The following CLSTN2 variants were observed in gnomAD, a reference collection of about 807,000 sequenced individuals.
CLSTN2 encodes calsyntenin 2, also known as calsyntenin-2.
In CLSTN2, 48 loss-of-function variants were observed where a neutral mutation model predicts 101.2. That is an observed-to-expected ratio of 0.47 (90% CI 0.38 to 0.60). The LOEUF (loss-of-function observed/expected upper bound fraction) is 0.60, where lower values mean the gene tolerates loss of function less well. Among genes scored for constraint, CLSTN2 ranks in the 20% least tolerant of loss-of-function variants. The pLI is 0.00. For missense variants in CLSTN2, 1,160 were observed against 1,238.2 expected, an observed-to-expected ratio of 0.94 and a Z score of 0.95; for synonymous variants, 481 against 463.6, an observed-to-expected ratio of 1.04 and a Z score of -0.48.
intron 1 of CLSTN2, among the ~76,000 whole-genome samples, chr3:140,127,390 C>T (rs956585642): frequency 5.9e-5 from 9 of 152,126 alleles, no homozygotes; most frequent in South Asian, 2.1e-4. Flanking sequence ...ATAGGCCTAA[C>T]GCAGTACATA....
intron 2 of CLSTN2, among the ~76,000 whole-genome samples, chr3:140,209,060 G>A (rs1276702160): frequency 6.6e-6 from 1 of 152,110 alleles, no homozygotes; most frequent in African/African-American, 2.4e-5. Flanking sequence ...CTTTCTATAA[G>A]AACAATTTAT....
intron 2 of CLSTN2, among the ~76,000 whole-genome samples, chr3:140,259,335 G>A (rs1386986882): frequency 1.3e-5 from 2 of 151,940 alleles, no homozygotes; most frequent in Non-Finnish European, 2.9e-5. Context: ...TTAGCCAGGT[G>A]TGGTGGCAGG....
chr3:140,171,862 A>ATTGTT lies in CLSTN2; in HGVS notation c.110-4089_110-4088insTTGTT, dbSNP rs2010240908. Among the ~76,000 whole-genome samples, 3 of 121,864 alleles carry ATTGTT rather than the reference A, an allele frequency of 2.5e-5. No homozygotes were observed. In the South Asian group the frequency reaches 6.8e-4, roughly 28 times the overall value. 79.9% of individuals were successfully genotyped at this position (121,864 alleles called of 152,430 possible). The stretch of plus-strand genomic sequence containing the variant: ...ATATAATATAATATATATATTATAT[A>ATTGTT]ATAACAATATATAATATATATATTA... On this transcript the variant is annotated intron_variant, in intron 1 of 16. Transcript: ENST00000458420.
intron 1 of CLSTN2, among the ~76,000 whole-genome samples, chr3:140,089,658 G>C (rs1354631417): frequency 6.6e-6 from 1 of 151,132 alleles, no homozygotes; most frequent in Non-Finnish European, 1.5e-5. Context: ...CATTGTCCAG[G>C]CTAGAGTGCA....
At chr3:140,050,234 G>T (rs1042572816) in intron 1 of CLSTN2, among the ~76,000 whole-genome samples, 5 of 152,172 alleles carry the variant, frequency 3.3e-5, no homozygotes, top group African/African-American at 1.2e-4. Flanking sequence ...GGGAACAGGG[G>T]TCAACGCCAT....
chr3:140,534,006 C>G (rs1433991666), intron 9 of CLSTN2, among the ~76,000 whole-genome samples: 1 of 152,130 alleles, frequency 6.6e-6, no homozygotes, highest in Non-Finnish European at 1.5e-5. Context: ...TTCAGTAGAG[C>G]TTGGCAATGA....
chr3:140,283,923 C>G (rs1423171220), intron 2 of CLSTN2, among the ~76,000 whole-genome samples: 2 of 152,158 alleles, frequency 1.3e-5, no homozygotes, highest in Non-Finnish European at 2.9e-5. Context: ...TTCTGCATGA[C>G]TTGCCTTTCT....
Position 139,984,911 on chromosome 3 carries a change from C to A in CLSTN2, c.109+49428C>A, listed in dbSNP as rs370030192. ...TCCCCACTGCCAATCCTCAGCAAAT[C>A]TGTTCCTTTTTGTATCTATACCACA... is the stretch of plus-strand genomic sequence containing the variant. On this transcript the variant is annotated intron_variant, in intron 1 of 16. Coordinates refer to ENST00000458420, the MANE Select transcript of CLSTN2 (RefSeq NM_022131.3). Among the ~76,000 whole-genome samples the A allele has an allele frequency of 9.8e-5, 15 of 152,320 alleles. No homozygotes were observed. The East Asian group carries it at 2.9e-3, about 29-fold the overall frequency.
At chr3:139,970,042 G>A (rs948957946) in intron 1 of CLSTN2, among the ~76,000 whole-genome samples, 1 of 152,118 alleles carries the variant, frequency 6.6e-6, no homozygotes, top group South Asian at 2.1e-4. Context: ...ACTTCAATTT[G>A]TCATTAGGCT....
chr3:140,083,182 T>A (rs2008627257), intron 1 of CLSTN2, among the ~76,000 whole-genome samples: 2 of 152,198 alleles, frequency 1.3e-5, no homozygotes, highest in South Asian at 4.1e-4. Flanking sequence ...TTTGTTTGTA[T>A]GATGATTTGA....
At chr3:139,971,625 G>A (rs989523243) in intron 1 of CLSTN2, among the ~76,000 whole-genome samples, 3 of 152,208 alleles carry the variant, frequency 2.0e-5, no homozygotes, top group South Asian at 2.1e-4. Flanking sequence ...ATATCCAAGT[G>A]AGCCAAGGCT....
intron 2 of CLSTN2, among the ~76,000 whole-genome samples, chr3:140,253,433 T>C (rs759504046): frequency 6.6e-6 from 1 of 152,192 alleles, no homozygotes; most frequent in African/African-American, 2.4e-5. Context: ...TAATTAGTGT[T>C]GGCAGCAACT....
chr3:140,560,084 A>G (rs1049022745), intron 12 of CLSTN2, among the ~76,000 whole-genome samples: 2 of 152,248 alleles, frequency 1.3e-5, no homozygotes, highest in African/African-American at 4.8e-5. Context: ...AATGCAGGGA[A>G]GAGCAATTAT....
chr3:140,134,143 G>A (rs192235916), intron 1 of CLSTN2, among the ~76,000 whole-genome samples: 109 of 152,266 alleles, frequency 7.2e-4, no homozygotes, highest in Middle Eastern at 6.8e-3. Context: ...CTGGCTTGGA[G>A]TCCCAATTCC....
intron 1 of CLSTN2, among the ~76,000 whole-genome samples, chr3:139,981,438 T>A (rs1243112004): frequency 1.3e-5 from 2 of 152,230 alleles, no homozygotes; most frequent in Non-Finnish European, 2.9e-5. Context: ...ACAGACCTCA[T>A]GTAATTTTTA....
chr3:139,955,144 A>T, intron 1 of CLSTN2, among the ~76,000 whole-genome samples: 1 of 141,602 alleles, frequency 7.1e-6, no homozygotes, highest in African/African-American at 2.7e-5. Context: ...ATATATGGCA[A>T]TTCCAGTCAC....
intron 2 of CLSTN2, among the ~76,000 whole-genome samples, chr3:140,316,532 T>A (rs2107920686): frequency 6.6e-6 from 1 of 152,286 alleles, no homozygotes; most frequent in Non-Finnish European, 1.5e-5. Context: ...TCTTAATACC[T>A]CTTGGTGTCT....
At chr3:140,071,911 G>A (rs942260139) in intron 1 of CLSTN2, among the ~76,000 whole-genome samples, 14 of 152,088 alleles carry the variant, frequency 9.2e-5, no homozygotes, top group Non-Finnish European at 1.8e-4. Flanking sequence ...CTTTTGATTA[G>A]AGAAATGTAA....
intron 1 of CLSTN2, among the ~76,000 whole-genome samples, chr3:140,152,736 G>C (rs1444652656): frequency 6.6e-6 from 1 of 152,094 alleles, no homozygotes; most frequent in African/African-American, 2.4e-5. Flanking sequence ...CCTATCTCAG[G>C]ATTAAGTATA....
Sources: gnomAD v4.1 joint callset for allele counts (sites outside exome capture counted in the v4.1 genomes callset) on GRCh38, gnomAD v4.1.1 for gene constraint, MANE v1.5 for transcripts, NCBI Gene and HGNC (gene_info 2026-07-23, HGNC 2026-07-21) for gene names.